TIPIN: variants seen among roughly 807,000 people sequenced by gnomAD.
TIPIN encodes the protein TIMELESS interacting protein, also known as TIMELESS-interacting protein.
TIPIN carries 29 observed loss-of-function variants against 35.6 expected under a neutral mutation model. That is an observed-to-expected ratio of 0.82 (90% CI 0.61 to 1.11). TIPIN has a LOEUF of 1.11. Among genes scored for constraint, TIPIN ranks in the 50% most tolerant of loss-of-function variants. The pLI is 0.00. For missense variants in TIPIN, 296 were observed against 345.4 expected, an observed-to-expected ratio of 0.86 and a Z score of 1.13; for synonymous variants, 102 against 121.5, an observed-to-expected ratio of 0.84 and a Z score of 1.06.
chr15:66,386,359 C>A (rs2093338704), intron 1 of TIPIN: 1 of 151,518 alleles, frequency 6.6e-6, no homozygotes, highest in South Asian at 2.1e-4. Flanking sequence ...ACTGTCGCAA[C>A]AATTTACAAT....
chr15:66,369,493 C>A (rs941901167), intron 1 of TIPIN, among the ~76,000 whole-genome samples: 4 of 151,658 alleles, frequency 2.6e-5, no homozygotes, highest in African/African-American at 4.8e-5. Context: ...GGACTACAGG[C>A]GCCTGCCACC....
At chr15:66,373,192 G>C (rs555576278) in intron 1 of TIPIN, among the ~76,000 whole-genome samples, 1 of 151,876 alleles carries the variant, frequency 6.6e-6, no homozygotes, top group Non-Finnish European at 1.5e-5. Context: ...ACTGTATATC[G>C]AAATAAAATA....
In TIPIN at chr15:66,367,094, C is replaced by T. The variant is rs529080127; in HGVS notation, c.-8-14139G>A. Reference sequence around the variant, plus strand: ...ACTTAGGAGGCTGAGGCAGGAGAATCGCTCAAAATGGGGATGCAGAGGTTG... The same window carrying T: ...ACTTAGGAGGCTGAGGCAGGAGAATTGCTCAAAATGGGGATGCAGAGGTTG... On this transcript the variant is annotated intron_variant, in intron 1 of 7. Transcript: ENST00000562124. Among the ~76,000 whole-genome samples, 13 of 151,716 alleles carry T rather than the reference C, an allele frequency of 8.6e-5. No individual in the cohort carries two copies. In the East Asian group the frequency reaches 2.2e-3, roughly 25 times the overall value.
rs527522801 is a variant in TIPIN, at chr15:66,384,688, G to A, written c.-9+1919C>T. Among the ~76,000 whole-genome samples the A allele has an allele frequency of 1.4e-4, 21 of 152,128 alleles. 1 individual carries two copies. The South Asian group carries it at 4.1e-3, about 30-fold the overall frequency. ...AGCACTTTGGGAGGCCGAGGTGGGC[G>A]GATCACCTGAGGTCAGGAGTTTGAG... On this transcript the variant is annotated intron_variant, in intron 1 of 7. Transcript: ENST00000562124.
In TIPIN at chr15:66,366,327, G is replaced by A. The variant is rs535260258; in HGVS notation, c.-8-13372C>T. On this transcript the variant is annotated intron_variant, in intron 1 of 7. Coordinates refer to the TIPIN transcript ENST00000562124. ...AAATTAGCTGGGCATGGTGGCGGGC[G>A]CCTGTAGTCCCAGCTACTCGGGAGG... Among the ~76,000 whole-genome samples, 7 of 151,936 alleles carry A rather than the reference G, an allele frequency of 4.6e-5. No homozygotes were observed. The East Asian group carries it at 5.8e-4, about 13-fold the overall frequency.
At chr15:66,355,313 G>A (rs1233020129) in intron 1 of TIPIN, among the ~76,000 whole-genome samples, 2 of 151,430 alleles carry the variant, frequency 1.3e-5, no homozygotes, top group African/African-American at 4.8e-5. Flanking sequence ...GATTACAGGC[G>A]TGAGCCATCG....
intron 1 of TIPIN, chr15:66,379,218 T>C (rs2093309069): frequency 2.2e-6 from 3 of 1,346,952 alleles, no homozygotes; most frequent in Non-Finnish European, 2.9e-6. Context: ...ACCTGGAATT[T>C]ATTTAGCTAT....
intron 1 of TIPIN, among the ~76,000 whole-genome samples, chr15:66,353,183 C>G (rs2093180132): frequency 6.6e-6 from 1 of 152,074 alleles, no homozygotes; most frequent in Non-Finnish European, 1.5e-5. Flanking sequence ...TGAACAAATC[C>G]TTTTACCTCA....
chr15:66,353,435 T>C (rs1435146818), intron 1 of TIPIN, among the ~76,000 whole-genome samples: 1 of 151,836 alleles, frequency 6.6e-6, no homozygotes, highest in Non-Finnish European at 1.5e-5. Flanking sequence ...GGCTACACGG[T>C]GAAACCCCGT....
At chr15:66,339,097 A>C (rs1358254357) in intron 7 of TIPIN, among the ~76,000 whole-genome samples, 1 of 127,030 alleles carries the variant, frequency 7.9e-6, no homozygotes. Context: ...ACGCCACTGC[A>C]CTCCAGCCTG....
chr15:66,378,611 T>C (rs1013584295), intron 1 of TIPIN, among the ~76,000 whole-genome samples: 31 of 152,226 alleles, frequency 2.0e-4, no homozygotes, highest in African/African-American at 7.0e-4. Flanking sequence ...CTTTATGGTT[T>C]TGACAGTTTG....
At chr15:66,381,405 T>C (rs2093318168) in intron 1 of TIPIN, among the ~76,000 whole-genome samples, 2 of 152,062 alleles carry the variant, frequency 1.3e-5, no homozygotes, top group South Asian at 4.1e-4. Context: ...GCCACGGCAC[T>C]CCAGCCCAGG....
chr15:66,358,068 G>C (rs1293135323), upstream of TIPIN, among the ~76,000 whole-genome samples: 1 of 152,052 alleles, frequency 6.6e-6, no homozygotes, highest in East Asian at 1.9e-4. Context: ...AACCAGCCTG[G>C]GCAACATACT....
intron 1 of TIPIN, chr15:66,379,310 T>C (rs1056415557): frequency 3.8e-6 from 6 of 1,574,272 alleles, no homozygotes; most frequent in African/African-American, 1.3e-5. Context: ...TGGCGTCTTC[T>C]TTCTGTAGCT....
chr15:66,353,442 C>T (rs1317370408), intron 1 of TIPIN, among the ~76,000 whole-genome samples: 1 of 151,952 alleles, frequency 6.6e-6, no homozygotes, highest in African/African-American at 2.4e-5. Flanking sequence ...CGGTGAAACC[C>T]CGTCTCTACT....
chr15:66,374,717 T>C (rs2093290046), intron 1 of TIPIN, among the ~76,000 whole-genome samples: 2 of 152,128 alleles, frequency 1.3e-5, no homozygotes, highest in Admixed American at 1.3e-4. Flanking sequence ...GTAGCTGGGA[T>C]TACAGGTGCC....
At chr15:66,356,341 A>T (rs1429938225) in intron 1 of TIPIN, among the ~76,000 whole-genome samples, 1 of 152,024 alleles carries the variant, frequency 6.6e-6, no homozygotes, top group African/African-American at 2.4e-5. Context: ...GGGGATTTCT[A>T]CATTGACACG....
intron 1 of TIPIN, among the ~76,000 whole-genome samples, chr15:66,377,350 T>G (rs1209311834): frequency 6.6e-6 from 1 of 152,078 alleles, no homozygotes; most frequent in Non-Finnish European, 1.5e-5. Flanking sequence ...TTCTTTTAAT[T>G]TGTAATTGCT....
intron 1 of TIPIN, among the ~76,000 whole-genome samples, chr15:66,363,169 G>A (rs1004038911): frequency 2.0e-5 from 3 of 152,174 alleles, no homozygotes; most frequent in Non-Finnish European, 4.4e-5. Flanking sequence ...CCTGAGGCCA[G>A]GAGTTCAAGA....
Sources: allele counts gnomAD v4.1 joint callset (sites outside exome capture counted in the v4.1 genomes callset), GRCh38; gene constraint gnomAD v4.1.1; transcripts MANE v1.5; gene names NCBI Gene and HGNC (gene_info 2026-07-23, HGNC 2026-07-21).